The following KCNH8 variants were observed in gnomAD, a reference collection of about 807,000 sequenced individuals.
The protein encoded by KCNH8 is potassium voltage-gated channel subfamily H member 8.
In KCNH8, 70 loss-of-function variants were observed where a neutral mutation model predicts 103.6. That is an observed-to-expected ratio of 0.68 (90% CI 0.56 to 0.82). The LOEUF is 0.82. KCNH8 is among the 40% of genes least tolerant of loss of function. KCNH8 has a pLI of 0.00. For missense variants in KCNH8, 1,217 were observed against 1,329.9 expected, an observed-to-expected ratio of 0.92 and a Z score of 1.32; for synonymous variants, 498 against 489.4, an observed-to-expected ratio of 1.02 and a Z score of -0.23.
At chr3:19,254,382 A>G (rs949964641) in intron 2 of KCNH8, among the ~76,000 whole-genome samples, 1 of 152,124 alleles carries the variant, frequency 6.6e-6, no homozygotes, top group Admixed American at 6.6e-5. Flanking sequence ...TTACCTAGCC[A>G]CAGAGCCTTT....
chr3:19,407,133 A>G (rs2066704186), intron 7 of KCNH8, among the ~76,000 whole-genome samples: 1 of 152,170 alleles, frequency 6.6e-6, no homozygotes, highest in Non-Finnish European at 1.5e-5. Flanking sequence ...TGTAGTCTAT[A>G]TGCTTCTATT....
At chr3:19,178,260 A>G (rs922812718) in intron 1 of KCNH8, among the ~76,000 whole-genome samples, 1 of 150,234 alleles carries the variant, frequency 6.7e-6, no homozygotes, top group South Asian at 2.1e-4. Context: ...AGAAATCATT[A>G]GTCATTTTAA....
intron 3 of KCNH8, among the ~76,000 whole-genome samples, chr3:19,318,961 C>T (rs1168222871): frequency 6.6e-6 from 1 of 151,360 alleles, no homozygotes; most frequent in Non-Finnish European, 1.5e-5. Context: ...TCTTTTGAGA[C>T]TTTTCTATTC....
intron 1 of KCNH8, among the ~76,000 whole-genome samples, chr3:19,223,481 T>A (rs1014671666): frequency 6.6e-6 from 1 of 152,182 alleles, no homozygotes; most frequent in Non-Finnish European, 1.5e-5. Context: ...TATCTTTATA[T>A]CATTCCAACG....
At chr3:19,420,291 T>C (rs2066931687) in intron 7 of KCNH8, among the ~76,000 whole-genome samples, 1 of 152,184 alleles carries the variant, frequency 6.6e-6, no homozygotes, top group East Asian at 1.9e-4. Flanking sequence ...CGATAAACTT[T>C]ATGTAACTTT....
intron 1 of KCNH8, among the ~76,000 whole-genome samples, chr3:19,236,345 T>C (rs1217601272): frequency 6.6e-6 from 1 of 152,196 alleles, no homozygotes; most frequent in African/African-American, 2.4e-5. Flanking sequence ...GGACAGTCAT[T>C]ATCTAGATAA....
intron 11 of KCNH8, among the ~76,000 whole-genome samples, chr3:19,469,675 C>T (rs1040216573): frequency 2.6e-5 from 4 of 152,088 alleles, no homozygotes; most frequent in Non-Finnish European, 5.9e-5. Flanking sequence ...AACATAGTAT[C>T]TTGAAGGAAG....
At chr3:19,226,748 C>G (rs977102454) in intron 1 of KCNH8, among the ~76,000 whole-genome samples, 15 of 152,066 alleles carry the variant, frequency 9.9e-5, no homozygotes, top group Non-Finnish European at 1.9e-4. Context: ...ACAAAAGACC[C>G]CCTAGGATAT....
intron 1 of KCNH8, among the ~76,000 whole-genome samples, chr3:19,234,570 C>CCCGCTGGCCCGCAAGCACCGT (rs2064038063): frequency 1.3e-5 from 2 of 152,224 alleles, no homozygotes; most frequent in South Asian, 2.1e-4. Context: ...ACGCGGAACT[C>CCCGCTGGCCCGCAAGCACCGT]CCGCTGGCCC....
chr3:19,277,894 A>G (rs1476956554), intron 2 of KCNH8, among the ~76,000 whole-genome samples: 1 of 152,152 alleles, frequency 6.6e-6, no homozygotes, highest in Non-Finnish European at 1.5e-5. Context: ...CTATATAAAG[A>G]AGGAGTTAAA....
chr3:19,300,375 T>C (rs2065050883), intron 3 of KCNH8, among the ~76,000 whole-genome samples: 1 of 152,148 alleles, frequency 6.6e-6, no homozygotes, highest in African/African-American at 2.4e-5. Flanking sequence ...AGACTCACCA[T>C]GGGGCAAGTT....
intron 1 of KCNH8, among the ~76,000 whole-genome samples, chr3:19,201,254 A>AAAAAAAAAAAAAAG (rs1559419872): frequency 2.8e-5 from 4 of 143,492 alleles, no homozygotes; most frequent in Non-Finnish European, 6.2e-5. Flanking sequence ...AAAAAAAAAA[A>AAAAAAAAAAAAAAG]AAAAAAAAGA....
chr3:19,505,401 G>A (rs2068672905), intron 11 of KCNH8, among the ~76,000 whole-genome samples: 1 of 152,046 alleles, frequency 6.6e-6, no homozygotes, highest in Non-Finnish European at 1.5e-5. Flanking sequence ...AAACCCCCGT[G>A]ACACAAGTTT....
chr3:19,200,681 G>A (rs976855637), intron 1 of KCNH8, among the ~76,000 whole-genome samples: 1 of 151,730 alleles, frequency 6.6e-6, no homozygotes, highest in Non-Finnish European at 1.5e-5. Context: ...TCTTCCTATG[G>A]TATATACTAT....
intron 7 of KCNH8, among the ~76,000 whole-genome samples, chr3:19,400,394 A>G (rs1003100067): frequency 1.3e-5 from 2 of 151,912 alleles, no homozygotes; most frequent in Non-Finnish European, 1.5e-5. Flanking sequence ...TTCCTCAGCT[A>G]TAATAGATTG....
chr3:19,257,395 C>G (rs754067327), intron 2 of KCNH8, among the ~76,000 whole-genome samples: 5 of 151,954 alleles, frequency 3.3e-5, no homozygotes, highest in Non-Finnish European at 7.4e-5. Context: ...CCTATTCTTT[C>G]TCGTTATCCT....
intron 1 of KCNH8, among the ~76,000 whole-genome samples, chr3:19,246,211 T>G (rs1417878398): frequency 6.6e-6 from 1 of 151,796 alleles, no homozygotes. Flanking sequence ...AAAATTAAAT[T>G]ATTTTTATTA....
At chr3:19,437,527 C>G (rs1370709039) in intron 7 of KCNH8, among the ~76,000 whole-genome samples, 1 of 152,128 alleles carries the variant, frequency 6.6e-6, no homozygotes, top group African/African-American at 2.4e-5. Flanking sequence ...TAATAGATTA[C>G]AAGTATTCAT....
Position 19,451,251 on chromosome 3 carries a change from G to T in KCNH8, c.1672G>T (p.Gly558Cys). Residue 558 changes from glycine to cysteine, a missense_variant, in exon 10 of 16, where the codon GGC (glycine) becomes TGC (cysteine). By Grantham distance (159) the Gly-to-Cys change is radical. Around this residue, in one of 3 missense-constraint regions of KCNH8, gnomAD observed 415 missense variants for 577.4 expected, o/e 0.72. Transcript: ENST00000328405. ...GTCCCTTTTTGAATGTGCCAGCCGG[G>T]GCTGCCTCAGGTCTCTGTCTCTACA... Reference protein sequence around the residue: ...QLSLFECASRGCLRSLSLHIK... With the variant: ...QLSLFECASRCCLRSLSLHIK... 6.2e-7 allele frequency: 1 copy of T among 1,613,904 alleles called. No individual in the cohort carries two copies. Among genetic ancestry groups the T allele is most frequent in the Non-Finnish European group, 8.5e-7 (1 of 1,179,912 alleles).
Sources: allele counts gnomAD v4.1 joint callset (sites outside exome capture counted in the v4.1 genomes callset), GRCh38; gene constraint gnomAD v4.1.1; regional missense constraint gnomAD v4.1.1; transcripts MANE v1.5; gene names NCBI Gene and HGNC (gene_info 2026-07-23, HGNC 2026-07-21).